The following RAD51B variants were observed in gnomAD, a reference collection of about 807,000 sequenced individuals.
The protein encoded by RAD51B is DNA repair protein RAD51 homolog 2.
In RAD51B, 38 loss-of-function variants were observed where a neutral mutation model predicts 42.2. The ratio of observed to expected loss-of-function variants is 0.90; its 90% CI spans 0.70 to 1.18. The LOEUF (loss-of-function observed/expected upper bound fraction) is 1.18. Ranked by LOEUF, RAD51B falls within the 50% of genes most tolerant of loss-of-function variation. The probability of loss-of-function intolerance (pLI) is 0.00; values close to 1 mark genes in which losing one functional copy is unlikely to be tolerated. For missense variants in RAD51B, 373 were observed against 400.7 expected (o/e 0.93, Z 0.59); for synonymous variants, 154 against 145.2 (o/e 1.06, Z -0.43).
intron 7 of RAD51B, among the ~76,000 whole-genome samples, chr14:68,035,534 C>T (rs1490922474): frequency 6.6e-6 from 1 of 152,190 alleles, no homozygotes; most frequent in Non-Finnish European, 1.5e-5. Flanking sequence ...AAGGTTGATT[C>T]TCAGTGCTAG....
At chr14:68,628,209 A>G (rs927859180) in intron 10 of RAD51B, 5 of 152,136 alleles carry the variant, frequency 3.3e-5, no homozygotes, top group African/African-American at 4.8e-5. Context: ...TTTTATCTTG[A>G]GCTGTGTGTC....
At chr14:68,558,465 C>T (rs1452780301) in intron 10 of RAD51B, among the ~76,000 whole-genome samples, 3 of 152,230 alleles carry the variant, frequency 2.0e-5, no homozygotes, top group Admixed American at 2.0e-4. Flanking sequence ...GGTGTGATAT[C>T]AAGGTTTCGG....
rs142375677 is a variant in RAD51B at position 68,457,723 on chromosome 14, C to T, written c.958-10449C>T. Among the ~76,000 whole-genome samples the T allele has an allele frequency of 7.9e-3, 1,198 of 151,538 alleles. 19 individuals carry two copies. The highest frequency in any genetic ancestry group is 0.028 in the African/African-American group (1,154 of 41,302). The stretch of plus-strand genomic sequence containing the variant: ...AAGCGATTCTCCTGCCTCAGCCTCC[C>T]GAGTAGCTGGGATTACAGGCACGTG... On this transcript the variant is annotated intron_variant, in intron 9 of 10. Transcript: ENST00000471583.
chr14:68,105,346 G>A (rs1038003705), intron 7 of RAD51B, among the ~76,000 whole-genome samples: 10 of 151,690 alleles, frequency 6.6e-5, no homozygotes, highest in African/African-American at 1.9e-4. Flanking sequence ...CTTTGTTATC[G>A]TCATAAAATG....
At chr14:67,886,925 A>C in intron 6 of RAD51B, 96 bp from the exon 7 acceptor site, 1 of 743,024 alleles carries the variant, frequency 1.3e-6, no homozygotes, top group Non-Finnish European at 2.1e-6. Flanking sequence ...AGGAAAGAAT[A>C]GTTTATTGTT....
rs547165265 is a variant in RAD51B, at chr14:68,406,154, A to G, written c.854-5270A>G. ...TCTCAGACCTTGTGTTAAGTAACTC[A>G]GGCATGCTGACATACATCAGGCGTG... On this transcript the variant is annotated intron_variant, in intron 8 of 10. Transcript: ENST00000471583. Among the ~76,000 whole-genome samples, 31 of 152,356 alleles carry G rather than the reference A, an allele frequency of 2.0e-4. No individual in the cohort carries two copies. The East Asian group carries it at 5.8e-3, about 28-fold the overall frequency.
intron 10 of RAD51B, among the ~76,000 whole-genome samples, chr14:68,602,279 A>G (rs1222715582): frequency 2.6e-5 from 4 of 151,618 alleles, no homozygotes; most frequent in Non-Finnish European, 5.9e-5. Context: ...ACAAACATAG[A>G]CATATGTTAT....
chr14:68,110,417 A>C (rs7150716), intron 7 of RAD51B, among the ~76,000 whole-genome samples: 1 of 151,912 alleles, frequency 6.6e-6, no homozygotes, highest in Non-Finnish European at 1.5e-5. Flanking sequence ...CCCTTTCTCC[A>C]TCTGTCTCAA....
At chr14:67,842,292 C>T (rs922110385) in intron 4 of RAD51B, among the ~76,000 whole-genome samples, 49 of 152,212 alleles carry the variant, frequency 3.2e-4, no homozygotes, top group African/African-American at 1.2e-3. Flanking sequence ...CCTTTTGGAG[C>T]AGCAGTCTTT....
chr14:68,013,407 A>G (rs2140334275), intron 7 of RAD51B, among the ~76,000 whole-genome samples: 1 of 152,258 alleles, frequency 6.6e-6, no homozygotes, highest in East Asian at 1.9e-4. Flanking sequence ...AGACTCTACC[A>G]TGTGATGGGT....
intron 10 of RAD51B, among the ~76,000 whole-genome samples, chr14:68,520,345 T>C (rs1324332694): frequency 1.3e-5 from 2 of 152,160 alleles, no homozygotes; most frequent in Non-Finnish European, 2.9e-5. Flanking sequence ...GGCAAGTAAA[T>C]TATGAACTAT....
At chr14:68,145,373 G>C (rs1475952687) in intron 7 of RAD51B, among the ~76,000 whole-genome samples, 1 of 152,182 alleles carries the variant, frequency 6.6e-6, no homozygotes, top group African/African-American at 2.4e-5. Context: ...CCTACGGGCG[G>C]GGTACATTAG....
At position 68,414,900 on chromosome 14, in the gene RAD51B, C is replaced by T. The variant is rs575163541; in HGVS notation, c.957+3373C>T. On this transcript the variant is annotated intron_variant, in intron 9 of 10. Coordinates refer to ENST00000471583, the MANE Select transcript of RAD51B (RefSeq NM_133510.4). The stretch of plus-strand genomic sequence containing the variant: ...AAAAAAAAATAGCCAGGCGTGGTGG[C>T]GCATACCTGTAGTCCCAGCTACCCA... Among the ~76,000 whole-genome samples the T allele has an allele frequency of 2.6e-3, 387 of 148,168 alleles. 3 individuals are homozygous for T. The highest frequency in any genetic ancestry group is 4.0e-3 in the Non-Finnish European group (272 of 67,194).
chr14:68,599,081 C>A (rs1309089539), downstream of RAD51B, among the ~76,000 whole-genome samples: 1 of 152,200 alleles, frequency 6.6e-6, no homozygotes, highest in African/African-American at 2.4e-5. Context: ...GAGCTGGCCG[C>A]TCCCTTTGCC....
chr14:67,982,284 A>G (rs948992847), intron 7 of RAD51B, among the ~76,000 whole-genome samples: 4 of 152,210 alleles, frequency 2.6e-5, no homozygotes, highest in African/African-American at 9.6e-5. Context: ...TAGCAAAATT[A>G]TACTTCAATT....
intron 7 of RAD51B, among the ~76,000 whole-genome samples, chr14:67,977,212 G>A (rs980382965): frequency 3.3e-5 from 5 of 152,154 alleles, no homozygotes; most frequent in South Asian, 2.1e-4. Flanking sequence ...TTTACTTCTC[G>A]CATCTTTATT....
intron 7 of RAD51B, among the ~76,000 whole-genome samples, chr14:68,272,673 T>A (rs1448861927): frequency 0.025 from 290 of 11,770 alleles, no homozygotes; most frequent in East Asian, 0.045. Flanking sequence ...ATATTTTTTT[T>A]TTTTTTTTTT....
Position 68,541,328 on chromosome 14 carries a change from G to T in RAD51B, c.1037-53157G>T, listed in dbSNP as rs1566931979. On this transcript the variant is annotated intron_variant, in intron 10 of 10. Coordinates refer to the RAD51B transcript ENST00000487270. ...GGCTAAGGAGAACTGGCTCTAACAG[G>T]CTAATAGCCTACCTGGCCCCTTTCC... 12 of 985,340 alleles carry T rather than the reference G, an allele frequency of 1.2e-5. No individual in the cohort carries two copies. The South Asian group carries it at 5.2e-4, about 42-fold the overall frequency. 61.0% of individuals were successfully genotyped at this position (985,340 alleles called of 1,614,324 possible).
At chr14:68,494,884 T>G (rs938969691) in intron 10 of RAD51B, among the ~76,000 whole-genome samples, 1 of 151,876 alleles carries the variant, frequency 6.6e-6, no homozygotes, top group African/African-American at 2.4e-5. Flanking sequence ...AAAAAATGGA[T>G]CCATCAGGAC....
Sources: allele counts gnomAD v4.1 joint callset (sites outside exome capture counted in the v4.1 genomes callset), GRCh38; gene constraint gnomAD v4.1.1; transcripts MANE v1.5; gene names NCBI Gene and HGNC (gene_info 2026-07-23, HGNC 2026-07-21).